The following SUSD6 variants were observed in gnomAD, a reference collection of about 807,000 sequenced individuals.
The protein encoded by SUSD6 is sushi domain containing 6.
A neutral mutation model predicts 28.4 loss-of-function variants in SUSD6; 16 were observed. The observed-to-expected ratio is 0.56, with a 90% CI of 0.38 to 0.86. The LOEUF (loss-of-function observed/expected upper bound fraction) is 0.86. Ranked by LOEUF, SUSD6 falls within the 40% of genes least tolerant of loss-of-function variation. The pLI is 0.00. For synonymous variants in SUSD6, 147 were observed against 159.6 expected, an observed-to-expected ratio of 0.92 and a Z score of 0.59; for missense variants, 341 against 384.2, an observed-to-expected ratio of 0.89 and a Z score of 0.94.
chr14:69,708,892 C>G lies in SUSD6; in HGVS notation c.674C>G (p.Ser225Cys). 1 of 1,614,166 alleles carries G rather than the reference C, an allele frequency of 6.2e-7. No homozygotes were observed. Among genetic ancestry groups the G allele is most frequent in the Non-Finnish European group, 8.5e-7 (1 of 1,180,016 alleles). The change falls in exon 5 of 6, where the codon TCT becomes TGT. Residue 225 changes from serine to cysteine, a missense_variant. By Grantham distance (112) the Ser-to-Cys change is moderately radical. Transcript: ENST00000342745. ...CTGCCGGACCAAGGGGCCTGCTCCT[C>G]TGCAGGTGGAGAAGATGAGGCCCCA... ...QQLPDQGACS[S>C]AGGEDEAPGQ...
At chr14:69,668,916 A>G (rs1361974882) in intron 2 of SUSD6, among the ~76,000 whole-genome samples, 1 of 151,526 alleles carries the variant, frequency 6.6e-6, no homozygotes, top group Non-Finnish European at 1.5e-5. Context: ...TTTGCCTTCC[A>G]CCATGATTGA....
At chr14:69,667,533 C>T (rs1885762606) in intron 2 of SUSD6, among the ~76,000 whole-genome samples, 1 of 151,824 alleles carries the variant, frequency 6.6e-6, no homozygotes, top group South Asian at 2.1e-4. Flanking sequence ...CCCGCCGCCA[C>T]ACCCAGCTAA....
chr14:69,661,379 A>G (rs76222597), intron 2 of SUSD6, among the ~76,000 whole-genome samples: 1 of 152,002 alleles, frequency 6.6e-6, no homozygotes, highest in African/African-American at 2.4e-5. Flanking sequence ...AGGGATTATT[A>G]TTTTCCACTG....
At chr14:69,612,898 C>A (rs1343262791) in intron 1 of SUSD6, among the ~76,000 whole-genome samples, 5 of 152,090 alleles carry the variant, frequency 3.3e-5, no homozygotes, top group Non-Finnish European at 1.5e-5. Flanking sequence ...GTTTTCGTTC[C>A]TCTGGTGTAA....
chr14:69,664,201 C>T (rs1166775037), intron 2 of SUSD6, among the ~76,000 whole-genome samples: 1 of 152,040 alleles, frequency 6.6e-6, no homozygotes, highest in Non-Finnish European at 1.5e-5. Context: ...AGGATGGTCT[C>T]GATCTCCTGA....
At position 69,658,573 on chromosome 14, in the gene SUSD6, A is replaced by G. The variant is rs199606527; in HGVS notation, c.-20A>G. The G allele has an allele frequency of 3.8e-4, 606 of 1,610,958 alleles. 4 individuals carry two copies. The South Asian group carries it at 6.4e-3, about 17-fold the overall frequency. On this transcript the variant is annotated 5_prime_UTR_variant, in exon 2 of 6. Coordinates refer to ENST00000342745, the MANE Select transcript of SUSD6 (RefSeq NM_014734.4). Reference sequence around the variant, plus strand: ...GGATTTTAAATTTTTTCTTTTTAAAAAAACTTGGACGGATAAAAGATGTGC... The same window carrying G: ...GGATTTTAAATTTTTTCTTTTTAAAGAAACTTGGACGGATAAAAGATGTGC...
At chr14:69,615,073 A>G (rs903652112) in intron 1 of SUSD6, among the ~76,000 whole-genome samples, 3 of 152,228 alleles carry the variant, frequency 2.0e-5, no homozygotes, top group African/African-American at 7.2e-5. Flanking sequence ...GATCAGAAGG[A>G]GCCAATAGAG....
chr14:69,699,351 G>T (rs528272472), intron 2 of SUSD6, among the ~76,000 whole-genome samples: 3 of 152,132 alleles, frequency 2.0e-5, no homozygotes, highest in African/African-American at 7.2e-5. Flanking sequence ...CTAGAGGTGT[G>T]CATCACCACA....
intron 2 of SUSD6, among the ~76,000 whole-genome samples, chr14:69,683,671 G>A (rs1886030598): frequency 6.6e-6 from 1 of 152,200 alleles, no homozygotes; most frequent in Admixed American, 6.5e-5. Context: ...AATGGAACAA[G>A]CCAAAGTGTG....
intron 2 of SUSD6, chr14:69,670,427 C>T (rs1200441334): frequency 6.6e-6 from 3 of 456,654 alleles, no homozygotes; most frequent in East Asian, 1.4e-4. Flanking sequence ...CAGGAATACT[C>T]ATTAGGGGGT....
At chr14:69,619,847 ACACCTACACCCCATTAACCTAC>A (rs1885011454) in intron 1 of SUSD6, among the ~76,000 whole-genome samples, 1 of 152,112 alleles carries the variant, frequency 6.6e-6, no homozygotes, top group African/African-American at 2.4e-5. Context: ...AACTGATCCC[ACACCTACACCCCATTAACCTAC>A]CAAACCCTTC....
At chr14:69,670,539 G>C (rs1291393587) in intron 2 of SUSD6, 3 of 456,488 alleles carry the variant, frequency 6.6e-6, no homozygotes, top group African/African-American at 6.0e-5. Flanking sequence ...GGGAGACAAG[G>C]TGGCATAGTC....
intron 2 of SUSD6, among the ~76,000 whole-genome samples, chr14:69,671,684 G>A (rs984689479): frequency 6.6e-6 from 1 of 152,204 alleles, no homozygotes; most frequent in African/African-American, 2.4e-5. Context: ...TCTTGGATCA[G>A]GCTGGGGTAA....
chr14:69,690,895 C>G (rs1196987430), intron 2 of SUSD6, among the ~76,000 whole-genome samples: 1 of 152,130 alleles, frequency 6.6e-6, no homozygotes, highest in Admixed American at 6.6e-5. Context: ...CTTCGTCCAG[C>G]CTTCTCCCCC....
At chr14:69,632,446 G>A (rs571679331) in intron 1 of SUSD6, among the ~76,000 whole-genome samples, 1 of 151,966 alleles carries the variant, frequency 6.6e-6, no homozygotes, top group South Asian at 2.1e-4. Context: ...CACTTCCCTC[G>A]TGGCTTTTAA....
intron 4 of SUSD6, among the ~76,000 whole-genome samples, chr14:69,706,281 G>C (rs1418698036): frequency 6.6e-6 from 1 of 152,130 alleles, no homozygotes; most frequent in Admixed American, 6.5e-5. Flanking sequence ...CCCCCCTATA[G>C]TTAACTTGTA....
At chr14:69,632,796 G>A (rs905979249) in intron 1 of SUSD6, among the ~76,000 whole-genome samples, 3 of 152,104 alleles carry the variant, frequency 2.0e-5, no homozygotes, top group Admixed American at 6.6e-5. Flanking sequence ...TAATGACACC[G>A]TCTGGAAATC....
intron 4 of SUSD6, among the ~76,000 whole-genome samples, chr14:69,706,468 T>TC (rs1391240486): frequency 1.3e-5 from 2 of 152,170 alleles, no homozygotes; most frequent in Admixed American, 1.3e-4. Context: ...TTCTTTTTTT[T>TC]CTTTTTCTGA....
intron 2 of SUSD6, among the ~76,000 whole-genome samples, chr14:69,672,561 T>C (rs867288945): frequency 1.3e-5 from 2 of 152,232 alleles, no homozygotes; most frequent in Non-Finnish European, 1.5e-5. Flanking sequence ...GTACTTGAGA[T>C]GCCAGGTTCT....
Sources: gnomAD v4.1 joint callset for allele counts (sites outside exome capture counted in the v4.1 genomes callset) on GRCh38, gnomAD v4.1.1 for gene constraint, MANE v1.5 for transcripts, NCBI Gene and HGNC (gene_info 2026-07-23, HGNC 2026-07-21) for gene names.